ATE1: variants seen among roughly 807,000 people sequenced by gnomAD.
ATE1 encodes arginyltransferase 1.
A neutral mutation model predicts 70.5 loss-of-function variants in ATE1; 36 were observed. That is an observed-to-expected ratio of 0.51 (90% CI 0.39 to 0.67). The LOEUF is 0.67. Among genes scored for constraint, ATE1 ranks in the 30% least tolerant of loss-of-function variants. The pLI is 0.00. For missense variants in ATE1, 593 were observed against 629.5 expected (o/e 0.94, Z 0.62); for synonymous variants, 232 against 219.3 (o/e 1.06, Z -0.51).
chr10:121,823,416 G>A (rs1947880709), intron 10 of ATE1, among the ~76,000 whole-genome samples: 1 of 152,230 alleles, frequency 6.6e-6, no homozygotes. Flanking sequence ...AAAACACAGA[G>A]AATGACTTCC....
intron 11 of ATE1, among the ~76,000 whole-genome samples, chr10:121,778,478 GGTAAAT>G (rs1482064471): frequency 6.6e-6 from 1 of 151,258 alleles, no homozygotes; most frequent in African/African-American, 2.4e-5. Flanking sequence ...AGAACCATTT[GGTAAAT>G]GAAAAGGATC....
At chr10:121,830,132 G>A (rs946394602) in intron 10 of ATE1, among the ~76,000 whole-genome samples, 4 of 152,164 alleles carry the variant, frequency 2.6e-5, no homozygotes, top group Non-Finnish European at 4.4e-5. Context: ...CTTTGTAACT[G>A]AGGGTTCTCA....
At chr10:121,874,800 T>C (rs1374322781) in intron 7 of ATE1, among the ~76,000 whole-genome samples, 1 of 151,852 alleles carries the variant, frequency 6.6e-6, no homozygotes, top group Non-Finnish European at 1.5e-5. Flanking sequence ...GGTCAAGAGA[T>C]CAAGACCATC....
At chr10:121,816,640 C>A (rs1947555332) in intron 10 of ATE1, among the ~76,000 whole-genome samples, 1 of 152,176 alleles carries the variant, frequency 6.6e-6, no homozygotes, top group Admixed American at 6.5e-5. Flanking sequence ...GCAGCCCTCA[C>A]CAGACTCAGA....
chr10:121,861,626 C>A (rs1182789723), intron 8 of ATE1, among the ~76,000 whole-genome samples: 1 of 147,280 alleles, frequency 6.8e-6, no homozygotes, highest in Non-Finnish European at 1.5e-5. Context: ...GGAGGGATAG[C>A]ATTGGGAGAT....
At chr10:121,764,522 G>C (rs1028472907) in intron 11 of ATE1, among the ~76,000 whole-genome samples, 1 of 149,896 alleles carries the variant, frequency 6.7e-6, no homozygotes. Flanking sequence ...AGTTCTTTAG[G>C]TAACAATGGG....
intron 10 of ATE1, among the ~76,000 whole-genome samples, chr10:121,827,054 G>A (rs969630904): frequency 7.4e-5 from 11 of 149,396 alleles, no homozygotes; most frequent in Non-Finnish European, 1.3e-4. Context: ...TCTCTCTGTC[G>A]CCAGGCTGGA....
At chr10:121,865,149 G>A (rs1949618420) in intron 8 of ATE1, among the ~76,000 whole-genome samples, 1 of 151,954 alleles carries the variant, frequency 6.6e-6, no homozygotes, top group African/African-American at 2.4e-5. Flanking sequence ...TACCTCTCTG[G>A]GTTCAATTTT....
intron 7 of ATE1, chr10:121,898,728 AG>A: frequency 8.1e-7 from 1 of 1,234,418 alleles, no homozygotes; most frequent in Admixed American, 2.4e-5. Context: ...TGTTCACAGA[AG>A]TTCAGTAATA....
chr10:121,864,490 T>C (rs1304615273), intron 8 of ATE1, among the ~76,000 whole-genome samples: 1 of 152,218 alleles, frequency 6.6e-6, no homozygotes, highest in Non-Finnish European at 1.5e-5. Flanking sequence ...GTCTGGGAAC[T>C]GGGGACCCCT....
Position 121,853,286 on chromosome 10 carries a change from CCCAG to C in ATE1, c.976-12027_976-12024del, listed in dbSNP as rs1949123968. Among the ~76,000 whole-genome samples, 3 of 151,028 alleles carry C rather than the reference CCCAG, an allele frequency of 2.0e-5. No homozygotes were observed. In the South Asian group the frequency reaches 6.3e-4, roughly 32 times the overall value. On this transcript the variant is annotated intron_variant, in intron 8 of 11. Transcript: ENST00000224652. ...GGCTGAGGCAGGAGAATGGCGTGAA[CCCAG>C]AAGGTGGAGCTTGCAGTGAGCAGAG...
At chr10:121,899,661 A>T (rs1342454605) in intron 7 of ATE1, among the ~76,000 whole-genome samples, 1 of 152,222 alleles carries the variant, frequency 6.6e-6, no homozygotes, top group Non-Finnish European at 1.5e-5. Flanking sequence ...TTGACTCTGA[A>T]ATTATACATG....
chr10:121,921,008 A>T (rs1172022532), intron 3 of ATE1, among the ~76,000 whole-genome samples: 9 of 152,230 alleles, frequency 5.9e-5, no homozygotes, highest in Non-Finnish European at 7.4e-5. Flanking sequence ...AAAAAAAAAA[A>T]AAAAAACTGG....
intron 10 of ATE1, among the ~76,000 whole-genome samples, chr10:121,797,589 T>A (rs1389824886): frequency 1.4e-5 from 2 of 145,320 alleles, no homozygotes. Context: ...TGAGTGGGAG[T>A]AAAAAAAAAA....
At chr10:121,757,089 A>T (rs1275875251) in intron 11 of ATE1, among the ~76,000 whole-genome samples, 1 of 152,156 alleles carries the variant, frequency 6.6e-6, no homozygotes, top group African/African-American at 2.4e-5. Context: ...ATGCTTAGAA[A>T]TTTCTTCTGC....
chr10:121,913,873 T>C lies in ATE1; in HGVS notation c.254A>G (p.Gln85Arg), dbSNP rs1203368902. 1 of 1,612,670 alleles carries C rather than the reference T, an allele frequency of 6.2e-7. No individual in the cohort carries two copies. The highest frequency in any genetic ancestry group is 8.5e-7 in the Non-Finnish European group (1 of 1,179,046). ...AACCTTCTTGTGAGATTTTGAAGGC[T>C]GAAATTGTAAAGGTCGGCACCTAGG... ...YTIRCRPLQF[Q>R]PSKSHKKVLK... is the part of the protein sequence containing the mutation. Residue 85 changes from glutamine (Q) to arginine (R), a missense_variant, in exon 4 of 12, where the codon CAG (glutamine) becomes CGG (arginine). By Grantham distance (43) the Gln-to-Arg change is conservative. This residue lies in a region of ATE1 where 467 missense variants were observed against 469.6 expected (regional missense o/e 0.99). Coordinates refer to ENST00000224652, the MANE Select transcript of ATE1 (RefSeq NM_001001976.3).
At chr10:121,836,121 C>T (rs1400526982) in intron 10 of ATE1, among the ~76,000 whole-genome samples, 1 of 152,282 alleles carries the variant, frequency 6.6e-6, no homozygotes, top group African/African-American at 2.4e-5. Context: ...CTCCTAGAAA[C>T]GTCCTTCTCC....
At chr10:121,914,410 A>G (rs1042406308) in intron 3 of ATE1, among the ~76,000 whole-genome samples, 2 of 151,874 alleles carry the variant, frequency 1.3e-5, no homozygotes, top group Admixed American at 6.6e-5. Context: ...AAAACACTAG[A>G]AAAAAGAGAA....
At chr10:121,827,445 C>T (rs1948069783) in intron 10 of ATE1, among the ~76,000 whole-genome samples, 1 of 152,208 alleles carries the variant, frequency 6.6e-6, no homozygotes, top group Non-Finnish European at 1.5e-5. Flanking sequence ...AGGACCAGCA[C>T]CACTGCGGAC....
Sources: gnomAD v4.1 joint callset for allele counts (sites outside exome capture counted in the v4.1 genomes callset) on GRCh38, gnomAD v4.1.1 for gene constraint, gnomAD v4.1.1 regional missense constraint, MANE v1.5 for transcripts, NCBI Gene and HGNC (gene_info 2026-07-23, HGNC 2026-07-21) for gene names.